PCDHA10: variants seen among roughly 807,000 people sequenced by gnomAD.
The protein encoded by PCDHA10 is protocadherin alpha 10, also known as protocadherin alpha-10.
Under a neutral mutation model 61.2 loss-of-function variants are expected in PCDHA10, and 45 were observed. The observed-to-expected ratio is 0.74, with a 90% confidence interval of 0.58 to 0.94. PCDHA10 has a LOEUF of 0.94. Ranked by LOEUF, PCDHA10 falls within the 40% of genes least tolerant of loss-of-function variation. The pLI is 0.00. For missense variants in PCDHA10, 1,278 were observed against 1,236.2 expected (o/e 1.03, Z -0.51); for synonymous variants, 602 against 548.8 (o/e 1.10, Z -1.35).
chr5:140,981,252 T>C (rs1482350756), intron 2 of PCDHA10, among the ~76,000 whole-genome samples: 1 of 152,240 alleles, frequency 6.6e-6, no homozygotes, highest in African/African-American at 2.4e-5. Context: ...GAAATTTAAC[T>C]TTCAAGATAA....
chr5:140,876,919 GA>G, intron 1 of PCDHA10: 2 of 1,613,952 alleles, frequency 1.2e-6, no homozygotes, highest in Non-Finnish European at 1.7e-6. Context: ...ATGGGACGCG[GA>G]CGCGCAGAAG....
intron 1 of PCDHA10, among the ~76,000 whole-genome samples, chr5:140,904,620 A>T (rs1419190047): frequency 6.6e-6 from 1 of 151,986 alleles, no homozygotes; most frequent in Non-Finnish European, 1.5e-5. Flanking sequence ...TTTTACTTTT[A>T]GTTCTTTAAG....
chr5:140,949,068 CTT>C (rs1199095008), intron 1 of PCDHA10, among the ~76,000 whole-genome samples: 2 of 151,676 alleles, frequency 1.3e-5, no homozygotes, highest in African/African-American at 4.8e-5. Context: ...TGATTTAACT[CTT>C]TCACCCATTT....
intron 1 of PCDHA10, among the ~76,000 whole-genome samples, chr5:140,972,289 G>A (rs548610825): frequency 1.5e-3 from 229 of 151,134 alleles, no homozygotes; most frequent in Non-Finnish European, 2.1e-3. Flanking sequence ...ATAGATGTGC[G>A]CCACCGTGTC....
intron 3 of PCDHA10, among the ~76,000 whole-genome samples, chr5:140,998,018 G>A (rs575495303): frequency 2.0e-5 from 3 of 152,170 alleles, no homozygotes; most frequent in Admixed American, 6.5e-5. Flanking sequence ...TCCCCACCTC[G>A]AGCTAGTGCT....
In PCDHA10 at chr5:140,929,414, A is replaced by G. The variant is rs1174756115; in HGVS notation, c.2389-49535A>G. The G allele has an allele frequency of 6.6e-6, 10 of 1,504,304 alleles. No individual in the cohort carries two copies. The East Asian group carries it at 1.1e-4, about 17-fold the overall frequency. 93.2% of individuals were successfully genotyped at this position (1,504,304 alleles called of 1,614,324 possible). A position where few individuals can be genotyped will look rare whatever the true frequency, so the allele number is the denominator to read the frequency against. On this transcript the variant is annotated intron_variant, in intron 1 of 3. Transcript: ENST00000307360. ...ATATTTCTTAGACAAGCCTTTCACA[A>G]CATTTCATCAATTGAACTAAACACT...
At chr5:140,860,155 ATATATATATG>A (rs1439486095) in intron 1 of PCDHA10, 1 of 149,648 alleles carries the variant, frequency 6.7e-6, no homozygotes, top group Non-Finnish European at 1.5e-5. Flanking sequence ...ATATATGTGT[ATATATATATG>A]TATATATATA....
At chr5:140,992,095 G>T (rs1554252652) in intron 3 of PCDHA10, among the ~76,000 whole-genome samples, 1 of 151,540 alleles carries the variant, frequency 6.6e-6, no homozygotes, top group East Asian at 1.9e-4. Context: ...TAGAGAAAGA[G>T]AATTAAGGTG....
chr5:140,926,698 C>G, intron 1 of PCDHA10: 2 of 787,702 alleles, frequency 2.5e-6, no homozygotes, highest in Non-Finnish European at 3.6e-6. Context: ...AAGCCCGGCT[C>G]CCAGCTGGCC....
chr5:140,882,375 C>T (rs879994353), intron 1 of PCDHA10: 1 of 1,614,212 alleles, frequency 6.2e-7, no homozygotes, highest in Non-Finnish European at 8.5e-7. Context: ...TACTCCGTCC[C>T]CGAGGAAGCA....
intron 1 of PCDHA10, among the ~76,000 whole-genome samples, chr5:140,971,436 C>G (rs2153789972): frequency 6.6e-6 from 1 of 152,278 alleles, no homozygotes; most frequent in Non-Finnish European, 1.5e-5. Flanking sequence ...ACCCCAAGAT[C>G]TACAGCTCCA....
At chr5:140,981,207 T>C (rs1163326728) in intron 2 of PCDHA10, among the ~76,000 whole-genome samples, 1 of 152,230 alleles carries the variant, frequency 6.6e-6, no homozygotes, top group Non-Finnish European at 1.5e-5. Context: ...TTGCCTCATA[T>C]AACCCCTTTA....
At chr5:141,002,589 TC>T (rs1157810975) in intron 3 of PCDHA10, among the ~76,000 whole-genome samples, 1 of 152,140 alleles carries the variant, frequency 6.6e-6, no homozygotes, top group African/African-American at 2.4e-5. Context: ...TAGTCCTTAG[TC>T]CCCTCATCTA....
At chr5:140,952,993 C>G (rs1273513255) in intron 1 of PCDHA10, among the ~76,000 whole-genome samples, 1 of 152,106 alleles carries the variant, frequency 6.6e-6, no homozygotes, top group Non-Finnish European at 1.5e-5. Flanking sequence ...CTCATGAGAA[C>G]TCTCTCACTA....
chr5:140,958,385 A>C (rs2095421525), intron 1 of PCDHA10, among the ~76,000 whole-genome samples: 1 of 152,206 alleles, frequency 6.6e-6, no homozygotes, highest in African/African-American at 2.4e-5. Flanking sequence ...TTTTCTTAAC[A>C]GGTCATCAAA....
In PCDHA10 at chr5:140,966,446, C is replaced by T. The variant is rs2096003680; in HGVS notation, c.2389-12503C>T. Reference sequence around the variant, plus strand: ...CTGAGCCCTCCTACCGCTCCCTTTCCCCCTCCCCCTCTGTCTTCCCTTCTG... The same window carrying T: ...CTGAGCCCTCCTACCGCTCCCTTTCTCCCTCCCCCTCTGTCTTCCCTTCTG... On this transcript the variant is annotated intron_variant, in intron 1 of 3. Transcript: ENST00000307360. 7 of 424,490 alleles carry T rather than the reference C, an allele frequency of 1.6e-5. No homozygotes were observed. The East Asian group carries it at 2.5e-4, about 15-fold the overall frequency. 26.3% of individuals were successfully genotyped at this position (424,490 alleles called of 1,614,324 possible).
At chr5:140,930,993 C>T (rs1275430453) in intron 1 of PCDHA10, among the ~76,000 whole-genome samples, 1 of 152,140 alleles carries the variant, frequency 6.6e-6, no homozygotes, top group African/African-American at 2.4e-5. Flanking sequence ...TCATGACCTA[C>T]ACTAATAACA....
At chr5:140,908,727 G>A (rs1388044565) in intron 1 of PCDHA10, among the ~76,000 whole-genome samples, 1 of 152,136 alleles carries the variant, frequency 6.6e-6, no homozygotes, top group Non-Finnish European at 1.5e-5. Context: ...GGGTCATATG[G>A]CTCGAGAAAC....
In PCDHA10 at chr5:141,010,032, T is replaced by C. The variant is rs529237892; in HGVS notation, c.*95T>C. 6.3e-7 allele frequency: 1 copy of C among 1,582,368 alleles called. No individual in the cohort carries two copies. Among genetic ancestry groups the C allele is most frequent in the African/African-American group, 1.4e-5 (1 of 73,468 alleles). On this transcript the variant is annotated 3_prime_UTR_variant, in exon 4 of 4. Transcript: ENST00000307360. ...TCCCTGCTCCTTTTTCCTATCTACA[T>C]GAGCCCTCTTAGAGACCTCAGAAAT...
Sources: gnomAD v4.1 joint callset for allele counts (sites outside exome capture counted in the v4.1 genomes callset) on GRCh38, gnomAD v4.1.1 for gene constraint, MANE v1.5 for transcripts, NCBI Gene and HGNC (gene_info 2026-07-23, HGNC 2026-07-21) for gene names.